The following GPC5 variants were observed in gnomAD, a reference collection of about 807,000 sequenced individuals.
The protein encoded by GPC5 is glypican-5.
A neutral mutation model predicts 53.9 loss-of-function variants in GPC5; 47 were observed. That is an observed-to-expected ratio of 0.87 (90% CI 0.69 to 1.11). The LOEUF (loss-of-function observed/expected upper bound fraction) is 1.11, where lower values mean the gene tolerates loss of function less well. Among genes scored for constraint, GPC5 ranks in the 50% most tolerant of loss-of-function variants. The probability of loss-of-function intolerance (pLI) is 0.00; values close to 1 mark genes in which losing one functional copy is unlikely to be tolerated. For missense variants in GPC5, 748 were observed against 713.1 expected (o/e 1.05, Z -0.56); for synonymous variants, 286 against 263.3 (o/e 1.09, Z -0.84).
At chr13:92,825,003 A>T (rs1045801563) in intron 7 of GPC5, among the ~76,000 whole-genome samples, 5 of 152,156 alleles carry the variant, frequency 3.3e-5, no homozygotes, top group Non-Finnish European at 7.3e-5. Flanking sequence ...TTCTTTCTTA[A>T]ATCAATCAAC....
intron 6 of GPC5, among the ~76,000 whole-genome samples, chr13:91,973,486 C>T (rs1317233360): frequency 6.7e-6 from 1 of 150,248 alleles, no homozygotes; most frequent in Non-Finnish European, 1.5e-5. Context: ...CATTCTCCGT[C>T]CAGCTTTGTT....
chr13:91,780,457 C>T (rs1331116700), intron 5 of GPC5, among the ~76,000 whole-genome samples: 9 of 151,858 alleles, frequency 5.9e-5, no homozygotes, highest in African/African-American at 2.2e-4. Context: ...TTAAAAATTT[C>T]TCTCCTTCCT....
chr13:91,719,880 T>G (rs532793892), intron 3 of GPC5, among the ~76,000 whole-genome samples: 1 of 152,130 alleles, frequency 6.6e-6, no homozygotes, highest in South Asian at 2.1e-4. Flanking sequence ...ATTTAGATGA[T>G]CTAGTACCTT....
chr13:91,641,772 A>T (rs932952184), intron 2 of GPC5, among the ~76,000 whole-genome samples: 3 of 152,228 alleles, frequency 2.0e-5, no homozygotes, highest in African/African-American at 7.2e-5. Flanking sequence ...TGAGATCTTG[A>T]TTAAGAACAT....
At chr13:92,861,058 ATATAC>A (rs1879164266) in intron 7 of GPC5, among the ~76,000 whole-genome samples, 1 of 152,070 alleles carries the variant, frequency 6.6e-6, no homozygotes, top group South Asian at 2.1e-4. Context: ...GAAAGTATAT[ATATAC>A]ATGTATTTTA....
intron 2 of GPC5, among the ~76,000 whole-genome samples, chr13:91,689,905 T>C (rs917663289): frequency 5.3e-5 from 8 of 152,198 alleles, no homozygotes; most frequent in African/African-American, 1.9e-4. Flanking sequence ...CATAGTATGG[T>C]AAACACCCAG....
intron 7 of GPC5, among the ~76,000 whole-genome samples, chr13:92,615,482 GC>G (rs1392486599): frequency 7.9e-5 from 12 of 152,204 alleles, no homozygotes; most frequent in Middle Eastern, 3.4e-3. Flanking sequence ...AAAGGAGCTT[GC>G]CCTTGGAATT....
At chr13:92,365,440 G>T (rs1271685917) in intron 7 of GPC5, among the ~76,000 whole-genome samples, 9 of 151,568 alleles carry the variant, frequency 5.9e-5, no homozygotes, top group Admixed American at 5.9e-4. Context: ...GAAGGCCTAG[G>T]ACACTACACT....
chr13:92,137,772 G>T (rs889024105), intron 6 of GPC5, among the ~76,000 whole-genome samples: 3 of 152,158 alleles, frequency 2.0e-5, no homozygotes, highest in East Asian at 3.9e-4. Context: ...CGGCAGGCAT[G>T]CCCTACCACT....
intron 7 of GPC5, among the ~76,000 whole-genome samples, chr13:92,589,035 G>C (rs943460344): frequency 6.6e-6 from 1 of 152,178 alleles, no homozygotes; most frequent in Non-Finnish European, 1.5e-5. Flanking sequence ...CTCAAGGGAA[G>C]AAAAACATGT....
Position 92,865,223 on chromosome 13 carries a change from A to G in GPC5, c.1562-1059A>G, listed in dbSNP as rs990192257. On this transcript the variant is annotated intron_variant, in intron 7 of 7. Transcript: ENST00000377067. The stretch of plus-strand genomic sequence containing the variant: ...CCAGAATGCGACTGGATCTTGGTGT[A>G]TGACTTTGCCCGCTTTTTTTTAAAT... 3.3e-5 allele frequency among the ~76,000 whole-genome samples: 5 copies of G among 152,282 alleles called. No homozygotes were observed. In the East Asian group the frequency reaches 9.7e-4, roughly 29 times the overall value.
chr13:92,168,453 A>T (rs2042046983), intron 7 of GPC5, among the ~76,000 whole-genome samples: 1 of 152,210 alleles, frequency 6.6e-6, no homozygotes, highest in African/African-American at 2.4e-5. Flanking sequence ...ACAAAGTTCG[A>T]ATGTCCAAAA....
Position 92,025,308 on chromosome 13 carries a change from C to A in GPC5, c.1401+117251C>A, listed in dbSNP as rs1566400048. Among the ~76,000 whole-genome samples the A allele has an allele frequency of 2.6e-5, 4 of 152,202 alleles. No homozygotes were observed. In the Middle Eastern group the frequency reaches 0.014, roughly 518 times the overall value. On this transcript the variant is annotated intron_variant, in intron 6 of 7. Coordinates refer to ENST00000377067, the MANE Select transcript of GPC5 (RefSeq NM_004466.6). The stretch of plus-strand genomic sequence containing the variant: ...CAAAGATAAGGCTTTTAAAGTGATT[C>A]TTTTTTTCTCTTCTCTTCCACCCCT...
chr13:91,769,364 A>G (rs2037580745), intron 5 of GPC5, among the ~76,000 whole-genome samples: 1 of 152,212 alleles, frequency 6.6e-6, no homozygotes, highest in Non-Finnish European at 1.5e-5. Context: ...ACTGGGTACT[A>G]CAGCTTAGCC....
intron 7 of GPC5, among the ~76,000 whole-genome samples, chr13:92,370,590 A>G (rs1270898889): frequency 6.6e-6 from 1 of 152,128 alleles, no homozygotes; most frequent in Non-Finnish European, 1.5e-5. Context: ...GAAAAAATAT[A>G]TGAAAAATTA....
At chr13:92,093,989 T>C (rs1461247053) in intron 6 of GPC5, among the ~76,000 whole-genome samples, 2 of 152,190 alleles carry the variant, frequency 1.3e-5, no homozygotes, top group African/African-American at 2.4e-5. Context: ...TTGTGTCAAA[T>C]TGGTTGAATG....
intron 4 of GPC5, among the ~76,000 whole-genome samples, chr13:91,734,260 T>C (rs946398889): frequency 3.3e-5 from 5 of 151,368 alleles, no homozygotes; most frequent in Non-Finnish European, 7.3e-5. Flanking sequence ...CATATTGATG[T>C]TCATCAGGGA....
At chr13:92,637,310 A>T (rs1260776834) in intron 7 of GPC5, among the ~76,000 whole-genome samples, 2 of 152,210 alleles carry the variant, frequency 1.3e-5, no homozygotes, top group African/African-American at 4.8e-5. Context: ...GAGATCAGAA[A>T]ACTATCCACA....
chr13:92,385,487 C>CATATATACACATATATACATACATAT (rs1566567682), intron 7 of GPC5, among the ~76,000 whole-genome samples: 1 of 55,470 alleles, frequency 1.8e-5, no homozygotes, highest in African/African-American at 9.5e-5. Context: ...TACATATATA[C>CATATATACACATATATACATACATAT]ACATATATAC....
Sources: allele counts gnomAD v4.1 joint callset (sites outside exome capture counted in the v4.1 genomes callset), GRCh38; gene constraint gnomAD v4.1.1; transcripts MANE v1.5; gene names NCBI Gene and HGNC (gene_info 2026-07-23, HGNC 2026-07-21).